Variants in NCK2 observed in about 807,000 individuals in gnomAD.
NCK2 encodes the protein NCK adaptor protein 2, also known as cytoplasmic protein NCK2.
Under a neutral mutation model 33.9 loss-of-function variants are expected in NCK2, and 16 were observed. The ratio of observed to expected loss-of-function variants is 0.47; its 90% CI spans 0.32 to 0.72. The LOEUF (loss-of-function observed/expected upper bound fraction) is 0.72, where lower values mean the gene tolerates loss of function less well. Ranked by LOEUF, NCK2 falls within the 30% of genes least tolerant of loss-of-function variation. The probability of loss-of-function intolerance (pLI) is 0.03; values close to 1 mark genes in which losing one functional copy is unlikely to be tolerated. For synonymous variants in NCK2, 273 were observed against 239.9 expected (o/e 1.14, Z -1.27); for missense variants, 418 against 537.3 (o/e 0.78, Z 2.19).
chr2:105,789,440 C>T (rs1299124201), intron 1 of NCK2, among the ~76,000 whole-genome samples: 2 of 152,172 alleles, frequency 1.3e-5, no homozygotes, highest in South Asian at 2.1e-4. Flanking sequence ...CCACCCGCCT[C>T]GGCCTCCCAA....
chr2:105,860,442 A>G (rs1677475889), intron 3 of NCK2, among the ~76,000 whole-genome samples: 1 of 152,176 alleles, frequency 6.6e-6, no homozygotes, highest in Non-Finnish European at 1.5e-5. Flanking sequence ...TGTAGTGTGT[A>G]TGTTCCACAC....
rs146129308 is a variant in NCK2, at chr2:105,879,191, T to C, written c.227-2137T>C. 2.3e-3 allele frequency among the ~76,000 whole-genome samples: 343 copies of C among 152,368 alleles called. 6 individuals are homozygous for C. Among genetic ancestry groups the C allele is most frequent in the Non-Finnish European group, 5.1e-4 (35 of 68,030 alleles). The stretch of plus-strand genomic sequence containing the variant: ...TGTAATTCACATGTTTGCAAAGGTC[T>C]ATTAAAAGTTTATTGTTCAATGTTA... On this transcript the variant is annotated intron_variant, in intron 3 of 4. Transcript: ENST00000233154.
At chr2:105,765,792 T>C (rs1412787084) in intron 1 of NCK2, among the ~76,000 whole-genome samples, 1 of 150,306 alleles carries the variant, frequency 6.7e-6, no homozygotes, top group Non-Finnish European at 1.5e-5. Flanking sequence ...AGGGGGTGTG[T>C]GTGTGTGTGT....
chr2:105,889,482 G>A (rs150954352), intron 4 of NCK2, among the ~76,000 whole-genome samples: 39 of 152,210 alleles, frequency 2.6e-4, no homozygotes, highest in Non-Finnish European at 3.2e-4. Flanking sequence ...TAAAACACAC[G>A]GTGCTGGAGG....
chr2:105,780,075 G>A (rs1690439788), intron 1 of NCK2, among the ~76,000 whole-genome samples: 2 of 152,084 alleles, frequency 1.3e-5, no homozygotes, highest in East Asian at 1.9e-4. Context: ...CTTATTCAAT[G>A]GCATTATTTT....
chr2:105,769,077 C>T (rs1253204181), intron 1 of NCK2, among the ~76,000 whole-genome samples: 1 of 152,102 alleles, frequency 6.6e-6, no homozygotes, highest in African/African-American at 2.4e-5. Flanking sequence ...CTAGGGGCAC[C>T]CCCCAACCCC....
intron 1 of NCK2, among the ~76,000 whole-genome samples, chr2:105,753,520 T>A (rs1342187391): frequency 6.6e-6 from 1 of 152,200 alleles, no homozygotes; most frequent in Non-Finnish European, 1.5e-5. Context: ...TTAGCTCAAG[T>A]GGTCATGCAG....
At chr2:105,828,495 A>C (rs1676042513) in intron 2 of NCK2, among the ~76,000 whole-genome samples, 1 of 152,220 alleles carries the variant, frequency 6.6e-6, no homozygotes, top group African/African-American at 2.4e-5. Flanking sequence ...TGTGGAGTGC[A>C]GAATTTAAGC....
rs189122702 is a variant in NCK2 at position 105,752,342 on chromosome 2, A to G, written c.-201+7204A>G. On this transcript the variant is annotated intron_variant, in intron 1 of 4. Coordinates refer to ENST00000233154, the MANE Select transcript of NCK2 (RefSeq NM_003581.5). ...TATGAGGAGTAATGTCATCCTTCAG[A>G]CACTCAGCACATGATGTTTTAGAGC... Among the ~76,000 whole-genome samples the G allele has an allele frequency of 3.4e-3, 523 of 152,352 alleles. 5 individuals are homozygous for G. The highest frequency in any genetic ancestry group is 0.012 in the African/African-American group (487 of 41,574).
chr2:105,872,405 C>T (rs538522033), intron 3 of NCK2, among the ~76,000 whole-genome samples: 3 of 152,288 alleles, frequency 2.0e-5, no homozygotes, highest in South Asian at 2.1e-4. Context: ...TTCCTTGCCA[C>T]GGGTACTTCC....
chr2:105,754,837 G>A (rs895530335), intron 1 of NCK2, among the ~76,000 whole-genome samples: 31 of 152,080 alleles, frequency 2.0e-4, no homozygotes, highest in African/African-American at 7.2e-4. Flanking sequence ...TAATATAGGT[G>A]AAGAGTGAAT....
At chr2:105,794,049 T>C (rs1262472153) in intron 1 of NCK2, among the ~76,000 whole-genome samples, 2 of 149,344 alleles carry the variant, frequency 1.3e-5, no homozygotes, top group African/African-American at 4.9e-5. Context: ...CTTTCGATTT[T>C]TTTTTTTTTT....
intron 1 of NCK2, among the ~76,000 whole-genome samples, chr2:105,766,326 TTTC>T (rs1689948481): frequency 6.6e-6 from 1 of 152,100 alleles, no homozygotes; most frequent in South Asian, 2.1e-4. Flanking sequence ...AGGTTTTCTT[TTTC>T]TTCTTCTATT....
intron 1 of NCK2, among the ~76,000 whole-genome samples, chr2:105,796,858 G>A (rs983363299): frequency 2.0e-5 from 3 of 152,142 alleles, no homozygotes; most frequent in African/African-American, 7.2e-5. Flanking sequence ...GACATTAGTG[G>A]TGACAGTTCA....
intron 2 of NCK2, among the ~76,000 whole-genome samples, chr2:105,832,846 CTTTT>C (rs60670971): frequency 7.1e-6 from 1 of 141,546 alleles, no homozygotes; most frequent in Non-Finnish European, 1.6e-5. Flanking sequence ...ATTCTCTTCT[CTTTT>C]TTTTTTTTAT....
chr2:105,858,959 A>G (rs1677402260), intron 3 of NCK2, among the ~76,000 whole-genome samples: 1 of 152,234 alleles, frequency 6.6e-6, no homozygotes, highest in East Asian at 1.9e-4. Flanking sequence ...GGGAACAATG[A>G]TCAAGAACTG....
intron 2 of NCK2, 131 bp downstream of exon 2, chr2:105,816,744 T>C (rs751433196): frequency 4.6e-5 from 7 of 152,214 alleles, no homozygotes; most frequent in Non-Finnish European, 7.3e-5. Flanking sequence ...AATTTAAGCT[T>C]TCAATGAGGG....
intron 2 of NCK2, among the ~76,000 whole-genome samples, chr2:105,852,808 T>A (rs1677117278): frequency 6.6e-6 from 1 of 152,198 alleles, no homozygotes; most frequent in Admixed American, 6.5e-5. Flanking sequence ...TAGTGAGTTC[T>A]ACATGGTATG....
intron 4 of NCK2, among the ~76,000 whole-genome samples, chr2:105,886,581 C>T (rs1398271732): frequency 1.3e-5 from 2 of 152,198 alleles, no homozygotes; most frequent in Non-Finnish European, 2.9e-5. Flanking sequence ...TTGAGAACCA[C>T]TACGTTGTGG....
Sources: gnomAD v4.1 joint callset for allele counts (sites outside exome capture counted in the v4.1 genomes callset) on GRCh38, gnomAD v4.1.1 for gene constraint, MANE v1.5 for transcripts, NCBI Gene and HGNC (gene_info 2026-07-23, HGNC 2026-07-21) for gene names.